R3HDM1: variants seen among roughly 807,000 people sequenced by gnomAD.
R3HDM1 encodes R3H domain-containing protein 1.
R3HDM1 carries 46 observed loss-of-function variants against 141.1 expected under a neutral mutation model. The observed-to-expected ratio is 0.33, with a 90% CI of 0.26 to 0.42. The LOEUF (loss-of-function observed/expected upper bound fraction) is 0.42. R3HDM1 is among the 10% of genes least tolerant of loss of function. The pLI, the probability that R3HDM1 is intolerant of heterozygous loss-of-function variation, is 1.00. For synonymous variants in R3HDM1, 435 were observed against 472.9 expected, an observed-to-expected ratio of 0.92 and a Z score of 1.04; for missense variants, 1,184 against 1,368.3, an observed-to-expected ratio of 0.87 and a Z score of 2.12.
At chr2:135,709,908 GT>G (rs2105438092) in intron 22 of R3HDM1, 150 bp from the exon 23 acceptor site, 1 of 748,628 alleles carries the variant, frequency 1.3e-6, no homozygotes, top group East Asian at 2.7e-5. Flanking sequence ...AATACTTGTA[GT>G]GTGATGCACT....
intron 3 of R3HDM1, chr2:135,605,271 T>A: frequency 4.4e-6 from 1 of 229,642 alleles, no homozygotes; most frequent in South Asian, 8.0e-5. Context: ...CATTCCACCC[T>A]TTTCCTAATT....
chr2:135,597,163 T>C, intron 1 of R3HDM1: 2 of 976,158 alleles, frequency 2.0e-6, no homozygotes, highest in Non-Finnish European at 2.4e-6. Flanking sequence ...CAAAAGTCTT[T>C]CCTTCTTGCT....
intron 1 of R3HDM1, chr2:135,583,890 C>T: frequency 1.0e-6 from 1 of 985,430 alleles, no homozygotes; most frequent in Non-Finnish European, 1.2e-6. Context: ...CAGTTCCTAT[C>T]ATTCAGATGG....
At chr2:135,681,164 G>C (rs2070228234) in intron 21 of R3HDM1, among the ~76,000 whole-genome samples, 2 of 152,120 alleles carry the variant, frequency 1.3e-5, no homozygotes, top group African/African-American at 4.8e-5. Context: ...ATTGAATTGG[G>C]TCCCTTTAGT....
chr2:135,648,195 C>T (rs1263101350), intron 16 of R3HDM1, among the ~76,000 whole-genome samples: 4 of 152,058 alleles, frequency 2.6e-5, no homozygotes, highest in Admixed American at 2.6e-4. Context: ...TGTGAGGAAC[C>T]AGAGGCTACT....
At chr2:135,616,538 A>T (rs2061035820) in intron 4 of R3HDM1, 130 bp from the exon 5 acceptor site, 4 of 731,800 alleles carry the variant, frequency 5.5e-6, no homozygotes, top group African/African-American at 1.8e-5. Flanking sequence ...TGATATATTT[A>T]ACTTGCACAT....
At chr2:135,533,031 C>T (rs1695265606) in intron 1 of R3HDM1, among the ~76,000 whole-genome samples, 1 of 152,174 alleles carries the variant, frequency 6.6e-6, no homozygotes, top group Non-Finnish European at 1.5e-5. Flanking sequence ...ATCATTTCTT[C>T]AGGGTTTGAG....
intron 1 of R3HDM1, among the ~76,000 whole-genome samples, chr2:135,565,463 A>G (rs979378079): frequency 3.3e-5 from 5 of 151,240 alleles, no homozygotes; most frequent in Admixed American, 3.3e-4. Context: ...AGTAACTGGG[A>G]TGATAGGCAC....
intron 9 of R3HDM1, among the ~76,000 whole-genome samples, chr2:135,634,291 G>C (rs1183662728): frequency 1.3e-5 from 2 of 151,992 alleles, no homozygotes; most frequent in Admixed American, 1.3e-4. Flanking sequence ...TTGACAGGAG[G>C]CTTTTACGTA....
chr2:135,593,265 C>T (rs2105069927), intron 1 of R3HDM1, among the ~76,000 whole-genome samples: 1 of 152,246 alleles, frequency 6.6e-6, no homozygotes, highest in African/African-American at 2.4e-5. Context: ...CCAATCAGAT[C>T]ATATTACACC....
At chr2:135,684,332 G>A (rs113494738) in intron 21 of R3HDM1, among the ~76,000 whole-genome samples, 21 of 152,110 alleles carry the variant, frequency 1.4e-4, no homozygotes, top group African/African-American at 4.1e-4. Flanking sequence ...CTCGTGATCC[G>A]CCCACCGTGG....
At chr2:135,673,079 C>T (rs1261227389) in intron 19 of R3HDM1, among the ~76,000 whole-genome samples, 1 of 152,130 alleles carries the variant, frequency 6.6e-6, no homozygotes, top group Non-Finnish European at 1.5e-5. Flanking sequence ...TGCACTCCAG[C>T]CTGAGCGATA....
intron 19 of R3HDM1, chr2:135,666,964 G>T (rs2105322737): frequency 4.6e-5 from 14 of 302,846 alleles, no homozygotes; most frequent in Middle Eastern, 1.8e-3. Context: ...TGCTTCTATT[G>T]TACAAGCACA....
intron 1 of R3HDM1, chr2:135,581,263 T>C (rs969617889): frequency 2.4e-5 from 24 of 985,282 alleles, no homozygotes; most frequent in Middle Eastern, 5.2e-4. Context: ...CTTGAGAGCA[T>C]TGTCTGTCCT....
intron 15 of R3HDM1, among the ~76,000 whole-genome samples, chr2:135,644,092 A>G (rs2064109307): frequency 1.3e-5 from 2 of 152,228 alleles, no homozygotes; most frequent in Non-Finnish European, 2.9e-5. Flanking sequence ...CCTGAACTTA[A>G]AAGTGAAATC....
chr2:135,670,120 CAG>C (rs1405626602), intron 19 of R3HDM1: 1 of 163,808 alleles, frequency 6.1e-6, no homozygotes, highest in Admixed American at 1.4e-4. Context: ...ACAGAGCAGA[CAG>C]AGCAAGACTC....
chr2:135,626,113 C>T (rs1223600886), intron 7 of R3HDM1, among the ~76,000 whole-genome samples: 2 of 152,150 alleles, frequency 1.3e-5, no homozygotes, highest in Admixed American at 6.5e-5. Context: ...CTGACACTAT[C>T]TCCAGGTATA....
chr2:135,719,305 T>C (rs1353666479), intron 24 of R3HDM1, among the ~76,000 whole-genome samples: 1 of 151,596 alleles, frequency 6.6e-6, no homozygotes, highest in Non-Finnish European at 1.5e-5. Context: ...CTGACTATAA[T>C]CTTATCTCCA....
chr2:135,711,945 C>T (rs1318133273), intron 23 of R3HDM1, among the ~76,000 whole-genome samples: 2 of 118,416 alleles, frequency 1.7e-5, no homozygotes, highest in Admixed American at 1.2e-4. Flanking sequence ...GGTGACAGAG[C>T]GAGACTCTGT....
Sources: gnomAD v4.1 joint callset for allele counts (sites outside exome capture counted in the v4.1 genomes callset) on GRCh38, gnomAD v4.1.1 for gene constraint, MANE v1.5 for transcripts, NCBI Gene and HGNC (gene_info 2026-07-23, HGNC 2026-07-21) for gene names.